TMX3: variants seen among roughly 807,000 people sequenced by gnomAD.
The protein encoded by TMX3 is protein disulfide-isomerase TMX3.
Under a neutral mutation model 64.4 loss-of-function variants are expected in TMX3, and 40 were observed. That is an observed-to-expected ratio of 0.62 (90% CI 0.48 to 0.81). The LOEUF (loss-of-function observed/expected upper bound fraction) is 0.81. Ranked by LOEUF, TMX3 falls within the 30% of genes least tolerant of loss-of-function variation. TMX3 has a pLI of 0.00. For missense variants in TMX3, 497 were observed against 534.5 expected (o/e 0.93, Z 0.69); for synonymous variants, 189 against 175.7 (o/e 1.08, Z -0.60).
chr18:68,678,208 G>GA (rs958506194), intron 15 of TMX3, among the ~76,000 whole-genome samples: 8 of 151,812 alleles, frequency 5.3e-5, no homozygotes, highest in African/African-American at 1.7e-4. Context: ...ACTATGCAAG[G>GA]AAAAAAACAA....
At chr18:68,711,859 G>A (rs762082802) in intron 2 of TMX3, among the ~76,000 whole-genome samples, 4 of 152,188 alleles carry the variant, frequency 2.6e-5, no homozygotes, top group Non-Finnish European at 5.9e-5. Flanking sequence ...ATGCGCGTGA[G>A]AAATATTGGA....
chr18:68,694,043 A>C (rs1179874358), intron 8 of TMX3, among the ~76,000 whole-genome samples: 4 of 152,100 alleles, frequency 2.6e-5, no homozygotes, highest in African/African-American at 7.2e-5. Flanking sequence ...TTGCTCAATG[A>C]AGCTCCTCTC....
intron 5 of TMX3, 180 bp from the exon 6 acceptor site, chr18:68,700,665 CAAAAG>C (rs916583109): frequency 9.9e-6 from 9 of 907,134 alleles, no homozygotes; most frequent in African/African-American, 9.0e-5. Flanking sequence ...ACCAGTAACA[CAAAAG>C]AAAAGAGGCT....
intron 2 of TMX3, among the ~76,000 whole-genome samples, chr18:68,713,376 C>T (rs1027303051): frequency 1.3e-5 from 2 of 152,102 alleles, no homozygotes; most frequent in South Asian, 2.1e-4. Context: ...TGTAATGCAC[C>T]GGTTATACAC....
At chr18:68,696,482 T>C (rs1220123660) in intron 8 of TMX3, among the ~76,000 whole-genome samples, 1 of 150,490 alleles carries the variant, frequency 6.6e-6, no homozygotes, top group Non-Finnish European at 1.5e-5. Flanking sequence ...TTAATTATTA[T>C]TACTATTTTT....
intron 4 of TMX3, among the ~76,000 whole-genome samples, chr18:68,707,858 AC>A (rs1318535380): frequency 6.6e-6 from 1 of 152,186 alleles, no homozygotes; most frequent in African/African-American, 2.4e-5. Flanking sequence ...TTGAGTGAAT[AC>A]ATGAATAAGC....
intron 2 of TMX3, among the ~76,000 whole-genome samples, chr18:68,711,870 T>A (rs1260055503): frequency 6.6e-6 from 1 of 152,154 alleles, no homozygotes; most frequent in East Asian, 1.9e-4. Context: ...AAATATTGGA[T>A]TGAGGAATTC....
intron 8 of TMX3, among the ~76,000 whole-genome samples, chr18:68,693,846 T>C (rs931676264): frequency 2.6e-5 from 4 of 152,070 alleles, no homozygotes; most frequent in Admixed American, 6.5e-5. Context: ...AGAACTTCAC[T>C]GATGACCATT....
At chr18:68,702,272 C>T (rs1160677696) in intron 4 of TMX3, among the ~76,000 whole-genome samples, 1 of 143,534 alleles carries the variant, frequency 7.0e-6, no homozygotes, top group Non-Finnish European at 1.5e-5. Flanking sequence ...AAAAGCATAA[C>T]TTGTATTTGC....
At chr18:68,710,451 G>A (rs1055236285) in intron 3 of TMX3, among the ~76,000 whole-genome samples, 1 of 152,000 alleles carries the variant, frequency 6.6e-6, no homozygotes, top group Non-Finnish European at 1.5e-5. Flanking sequence ...TATATGAAAC[G>A]TTTTATATAA....
chr18:68,708,035 GTA>G (rs1568203433), intron 4 of TMX3, among the ~76,000 whole-genome samples: 4 of 145,506 alleles, frequency 2.7e-5, no homozygotes, highest in African/African-American at 8.3e-5. Context: ...GTGTATATGT[GTA>G]TATATGTGTA....
intron 3 of TMX3, 24 bp from the exon 4 acceptor site, chr18:68,710,168 A>G: frequency 6.6e-7 from 1 of 1,506,060 alleles, no homozygotes; most frequent in Non-Finnish European, 8.8e-7. Flanking sequence ...AACAAACAAC[A>G]AACAAAAAAA....
At chr18:68,678,845 A>G (rs1356360837) in intron 15 of TMX3, among the ~76,000 whole-genome samples, 1 of 152,060 alleles carries the variant, frequency 6.6e-6, no homozygotes, top group Non-Finnish European at 1.5e-5. Flanking sequence ...GAAAGTAAAC[A>G]CTGTTAGAAA....
intron 8 of TMX3, among the ~76,000 whole-genome samples, chr18:68,696,540 A>G (rs988256876): frequency 6.7e-6 from 1 of 150,316 alleles, no homozygotes; most frequent in African/African-American, 2.5e-5. Flanking sequence ...GCAGTCGTGC[A>G]ATCTTGTCTC....
intron 4 of TMX3, among the ~76,000 whole-genome samples, chr18:68,704,159 T>C (rs547129697): frequency 1.3e-5 from 2 of 152,268 alleles, no homozygotes; most frequent in African/African-American, 4.8e-5. Flanking sequence ...GTCTAGCACA[T>C]AGAAGATTCT....
Position 68,675,235 on chromosome 18 carries a change from G to T in TMX3, c.*1698C>A, listed in dbSNP as rs1372179354. On this transcript the variant is annotated 3_prime_UTR_variant, in exon 16 of 16. Coordinates refer to ENST00000299608, the MANE Select transcript of TMX3 (RefSeq NM_019022.5). Reference sequence around the variant, plus strand: ...CCCAAGAATCACTCATCATTCTTTGGAGAAGAATCTACTTGTTAAATTAAC... The same window carrying T: ...CCCAAGAATCACTCATCATTCTTTGTAGAAGAATCTACTTGTTAAATTAAC... The T allele has an allele frequency of 1.3e-5, 2 of 151,952 alleles. No individual in the cohort carries two copies. The highest frequency in any genetic ancestry group is 2.9e-5 in the Non-Finnish European group (2 of 67,960). The allele number at this position is 151,952 out of a possible 1,614,324, so 9.4% of individuals were successfully genotyped here.
intron 8 of TMX3, 109 bp from the exon 9 acceptor site, chr18:68,691,470 A>G: frequency 1.6e-6 from 1 of 638,088 alleles, no homozygotes; most frequent in Non-Finnish European, 2.6e-6. Context: ...ACATAAAAAT[A>G]ACAAAAAAGA....
intron 14 of TMX3, among the ~76,000 whole-genome samples, chr18:68,679,747 T>G (rs1212826653): frequency 6.6e-6 from 1 of 152,144 alleles, no homozygotes; most frequent in African/African-American, 2.4e-5. Flanking sequence ...CTGATTCTAC[T>G]CTAAACAATT....
chr18:68,712,397 C>T (rs1224588981), intron 2 of TMX3, among the ~76,000 whole-genome samples: 1 of 152,154 alleles, frequency 6.6e-6, no homozygotes, highest in African/African-American at 2.4e-5. Flanking sequence ...TCACAACTGT[C>T]GCAGTCCATG....
Sources: gnomAD v4.1 joint callset for allele counts (sites outside exome capture counted in the v4.1 genomes callset) on GRCh38, gnomAD v4.1.1 for gene constraint, MANE v1.5 for transcripts, NCBI Gene and HGNC (gene_info 2026-07-23, HGNC 2026-07-21) for gene names.